The following CDYL2 variants were observed in gnomAD, a reference collection of about 807,000 sequenced individuals.
CDYL2 encodes the protein chromodomain Y-like protein 2.
A neutral mutation model predicts 49.4 loss-of-function variants in CDYL2; 23 were observed. That is an observed-to-expected ratio of 0.47 (90% confidence interval 0.34 to 0.66). The LOEUF (loss-of-function observed/expected upper bound fraction) is 0.66, where lower values mean the gene tolerates loss of function less well. CDYL2 is among the 30% of genes least tolerant of loss of function. The pLI, the probability that CDYL2 is intolerant of heterozygous loss-of-function variation, is 0.01. For synonymous variants in CDYL2, 360 were observed against 268.8 expected, an observed-to-expected ratio of 1.34 and a Z score of -3.32; for missense variants, 678 against 656.4, an observed-to-expected ratio of 1.03 and a Z score of -0.36.
At chr16:80,794,318 T>C (rs983238184) in intron 1 of CDYL2, among the ~76,000 whole-genome samples, 2 of 152,186 alleles carry the variant, frequency 1.3e-5, no homozygotes, top group African/African-American at 2.4e-5. Flanking sequence ...GACTGTGCTG[T>C]AAAAGTGTAT....
chr16:80,712,103 A>G (rs1373704111), intron 1 of CDYL2, among the ~76,000 whole-genome samples: 11 of 146,120 alleles, frequency 7.5e-5, no homozygotes, highest in Non-Finnish European at 1.3e-4. Context: ...ATATATGTGT[A>G]TATATGTGTA....
intron 2 of CDYL2, among the ~76,000 whole-genome samples, chr16:80,673,029 C>T (rs1218685117): frequency 6.6e-6 from 1 of 152,110 alleles, no homozygotes; most frequent in East Asian, 1.9e-4. Flanking sequence ...CTAAAATCAA[C>T]AAGGGAGGCC....
chr16:80,692,089 G>A (rs1910439326), intron 1 of CDYL2, among the ~76,000 whole-genome samples: 1 of 152,138 alleles, frequency 6.6e-6, no homozygotes, highest in Non-Finnish European at 1.5e-5. Context: ...CCCAGTCTAA[G>A]TCCAACAAAG....
At chr16:80,621,558 C>T (rs1237462377) in intron 3 of CDYL2, among the ~76,000 whole-genome samples, 2 of 152,244 alleles carry the variant, frequency 1.3e-5, no homozygotes, top group African/African-American at 2.4e-5. Flanking sequence ...ATGTCCCCAT[C>T]TATAAGTGGG....
intron 2 of CDYL2, among the ~76,000 whole-genome samples, chr16:80,644,676 T>C (rs1026475977): frequency 6.6e-6 from 1 of 152,158 alleles, no homozygotes; most frequent in African/African-American, 2.4e-5. Flanking sequence ...TGATACTTAT[T>C]CACTACCATG....
intron 2 of CDYL2, among the ~76,000 whole-genome samples, chr16:80,668,838 G>A (rs957951139): frequency 2.0e-5 from 3 of 152,018 alleles, no homozygotes; most frequent in Non-Finnish European, 4.4e-5. Context: ...AGCAGAGGCT[G>A]CAGTGAGCCG....
At chr16:80,604,583 C>G (rs1447395875) in intron 6 of CDYL2, 37 bp from the exon 7 acceptor site, 15 of 1,611,596 alleles carry the variant, frequency 9.3e-6, no homozygotes, top group Non-Finnish European at 1.3e-5. Context: ...AGCCGGGCAC[C>G]AGGGACTCTG....
At chr16:80,627,982 G>A (rs944959195) in intron 3 of CDYL2, 4 of 152,226 alleles carry the variant, frequency 2.6e-5, no homozygotes, top group Non-Finnish European at 5.9e-5. Context: ...AGAATGTGAT[G>A]TAAAAGAGGA....
At chr16:80,655,124 G>T (rs1445484972) in intron 2 of CDYL2, among the ~76,000 whole-genome samples, 2 of 152,182 alleles carry the variant, frequency 1.3e-5, no homozygotes, top group African/African-American at 4.8e-5. Context: ...GGCCAGGCCA[G>T]GCCTTTTCTG....
At chr16:80,762,861 C>G (rs28497840) in intron 1 of CDYL2, among the ~76,000 whole-genome samples, 30,480 of 152,030 alleles carry the variant, frequency 0.2, 4,098 homozygotes, top group African/African-American at 0.39. Context: ...TGCCTAAGGA[C>G]AGAATGTGTG....
intron 2 of CDYL2, among the ~76,000 whole-genome samples, chr16:80,655,696 A>C (rs1177970825): frequency 2.0e-5 from 3 of 152,162 alleles, no homozygotes; most frequent in Non-Finnish European, 2.9e-5. Flanking sequence ...AGAAAGATGC[A>C]ACACCTCTGA....
intron 1 of CDYL2, among the ~76,000 whole-genome samples, chr16:80,772,866 A>G (rs1906953163): frequency 6.6e-6 from 1 of 152,240 alleles, no homozygotes; most frequent in South Asian, 2.1e-4. Context: ...CTCAGTCAAT[A>G]AAAAGTAAGG....
At chr16:80,691,890 G>A (rs541706339) in intron 1 of CDYL2, among the ~76,000 whole-genome samples, 3 of 152,082 alleles carry the variant, frequency 2.0e-5, no homozygotes, top group Non-Finnish European at 4.4e-5. Flanking sequence ...AAGAGAAAAC[G>A]CAAGCAAGGG....
chr16:80,615,476 T>C (rs112998722), intron 4 of CDYL2, among the ~76,000 whole-genome samples: 1 of 152,108 alleles, frequency 6.6e-6, no homozygotes, highest in African/African-American at 2.4e-5. Flanking sequence ...TCCATAACAT[T>C]CCAACGATGC....
chr16:80,763,879 G>A (rs1186891419), intron 1 of CDYL2, among the ~76,000 whole-genome samples: 1 of 152,034 alleles, frequency 6.6e-6, no homozygotes, highest in Non-Finnish European at 1.5e-5. Context: ...GAGACCATAA[G>A]TAAGCTTAAA....
At chr16:80,663,547 T>A (rs1015003083) in intron 2 of CDYL2, among the ~76,000 whole-genome samples, 1 of 152,166 alleles carries the variant, frequency 6.6e-6, no homozygotes. Context: ...AATCACTACA[T>A]CCAACACCTC....
At chr16:80,739,330 T>C (rs1449006930) in intron 1 of CDYL2, among the ~76,000 whole-genome samples, 1 of 152,198 alleles carries the variant, frequency 6.6e-6, no homozygotes, top group East Asian at 1.9e-4. Context: ...GGGTGGACAG[T>C]GGTGATTACT....
At chr16:80,690,027 A>G (rs146269232) in intron 1 of CDYL2, among the ~76,000 whole-genome samples, 1,904 of 152,130 alleles carry the variant, frequency 0.013, 38 homozygotes, top group African/African-American at 0.042. Context: ...AGGCTGAGAC[A>G]GGAGAATCAC....
In CDYL2 at chr16:80,652,800, A is replaced by T. The variant is rs140344620; in HGVS notation, c.617-19564T>A. Among the ~76,000 whole-genome samples, 1,363 of 152,320 alleles carry T rather than the reference A, an allele frequency of 8.9e-3. 14 individuals are homozygous for T. Among genetic ancestry groups the T allele is most frequent in the South Asian group, 0.032 (156 of 4,826 alleles). On this transcript the variant is annotated intron_variant, in intron 2 of 6. Coordinates refer to ENST00000570137, the MANE Select transcript of CDYL2 (RefSeq NM_152342.4). ...AACTCACAACACCACTCTAATCATG[A>T]GAAAAACATCAAACAAATCCCAACT... is the stretch of plus-strand genomic sequence containing the variant.
Sources: allele counts gnomAD v4.1 joint callset (sites outside exome capture counted in the v4.1 genomes callset), GRCh38; gene constraint gnomAD v4.1.1; transcripts MANE v1.5; gene names NCBI Gene and HGNC (gene_info 2026-07-23, HGNC 2026-07-21).